PHRF1: variants seen among roughly 807,000 people sequenced by gnomAD.
PHRF1 encodes PHD and ring finger domains 1.
Under a neutral mutation model 128.9 loss-of-function variants are expected in PHRF1, and 53 were observed. The observed-to-expected ratio is 0.41, with a 90% CI of 0.33 to 0.52. The LOEUF is 0.52. PHRF1 is among the 20% of genes least tolerant of loss of function. PHRF1 has a pLI of 0.21. For synonymous variants in PHRF1, 1,178 were observed against 980.6 expected (o/e 1.20, Z -3.76); for missense variants, 2,503 against 2,284.5 (o/e 1.10, Z -1.95).
chr11:610,345 C>A lies in PHRF1; in HGVS notation c.4414C>A (p.Gln1472Lys). 1 of 1,562,074 alleles carries A rather than the reference C, an allele frequency of 6.4e-7. No homozygotes were observed. Among genetic ancestry groups the A allele is most frequent in the South Asian group, 1.2e-5 (1 of 84,580 alleles). The change falls in exon 15 of 18, where the codon CAG becomes AAG. Residue 1472 changes from glutamine (Q) to lysine (K), a missense_variant and splice_region_variant. By Grantham distance (53) the Gln-to-Lys change is moderately conservative (BLOSUM62 1). Coordinates refer to ENST00000264555, the MANE Select transcript of PHRF1 (RefSeq NM_001286581.2). ...EPGFPDTDPSQVYSPGLPPAP... is the reference protein window; with the variant it reads ...EPGFPDTDPSKVYSPGLPPAP... Reference sequence around the variant, plus strand: ...CGGGTTCCCAGACACAGACCCCTCTCAGGTGGGTGTCTGGGCTGGAGGGCT... The same window carrying A: ...CGGGTTCCCAGACACAGACCCCTCTAAGGTGGGTGTCTGGGCTGGAGGGCT...
chr11:606,347 C>G, intron 12 of PHRF1, 95 bp from the exon 13 acceptor site: 3 of 1,422,874 alleles, frequency 2.1e-6, no homozygotes, highest in Non-Finnish European at 2.8e-6. Context: ...CAGCCCCACT[C>G]TCCCTGGCTC....
chr11:607,440 G>T lies in PHRF1; in HGVS notation c.1984G>T (p.Val662Leu), dbSNP rs751683523. 2 of 1,612,826 alleles carry T rather than the reference G, an allele frequency of 1.2e-6. No individual in the cohort carries two copies. The highest frequency in any genetic ancestry group is 1.7e-6 in the Non-Finnish European group (2 of 1,179,878). The change falls in exon 14 of 18, where the codon GTG (valine) becomes TTG (leucine). Residue 662 changes from valine (V) to leucine (L), a missense_variant. Transcript: ENST00000264555. ...RDSKPPCRSV[V>L]PGPPLKPAPR... is the part of the protein sequence containing the mutation. ...TTCTAAGCCCCCATGTCGCAGTGTG[G>T]TGCCGGGGCCTCCCCTGAAGCCAGC...
At position 596,903 on chromosome 11, in the gene PHRF1, G is replaced by C; in HGVS notation, c.621-20G>C. 2 of 1,608,970 alleles carry C rather than the reference G, an allele frequency of 1.2e-6. No individual in the cohort carries two copies. Among genetic ancestry groups the C allele is most frequent in the Non-Finnish European group, 1.7e-6 (2 of 1,175,432 alleles). On this transcript the variant is annotated intron_variant, in intron 6 of 17. Transcript: ENST00000264555. ...GCTGTGAGCAGCACCCGGATGCTTTGGCCCTGCTCTCTCCTGTAGGTACCA... is the reference window on the plus strand; with the variant it reads ...GCTGTGAGCAGCACCCGGATGCTTTCGCCCTGCTCTCTCCTGTAGGTACCA...
chr11:579,426 T>G (rs982564333), intron 1 of PHRF1, among the ~76,000 whole-genome samples: 7 of 152,282 alleles, frequency 4.6e-5, no homozygotes, highest in Non-Finnish European at 4.4e-5. Context: ...GCAGGCGTCC[T>G]GGAAGATGTG....
intron 4 of PHRF1, among the ~76,000 whole-genome samples, chr11:589,968 AGTCTGC>A (rs1854856143): frequency 4.6e-5 from 5 of 108,430 alleles, no homozygotes; most frequent in African/African-American, 2.3e-4. Context: ...TCAGCCTGAG[AGTCTGC>A]AAACGGGCAC....
At chr11:579,573 G>A (rs1854092148) in intron 1 of PHRF1, among the ~76,000 whole-genome samples, 1 of 152,198 alleles carries the variant, frequency 6.6e-6, no homozygotes, top group Admixed American at 6.5e-5. Flanking sequence ...GCCCTCGTGT[G>A]TCTCTCAGAG....
At chr11:588,077 C>T (rs192340626) in intron 4 of PHRF1, among the ~76,000 whole-genome samples, 9 of 152,266 alleles carry the variant, frequency 5.9e-5, no homozygotes, top group East Asian at 1.9e-4. Context: ...GGCTCAGCTC[C>T]GACACCACTA....
rs1194377221 is a variant in PHRF1 at position 609,120 on chromosome 11, G to T, written c.3664G>T (p.Ala1222Ser). 1.2e-6 allele frequency: 2 copies of T among 1,606,054 alleles called. No individual in the cohort carries two copies. Among genetic ancestry groups the T allele is most frequent in the South Asian group, 1.1e-5 (1 of 90,998 alleles). ...GGAAGACCTCCCCACCAGGTTGCCA[G>T]CCTTGGGGGAAGCACATGTCTCGCC... ...GREDLPTRLP[A>S]LGEAHVSPEV... is the part of the protein sequence containing the mutation. Residue 1222 changes from alanine to serine, a missense_variant, in exon 14 of 18, where the codon GCC (alanine) becomes TCC (serine). By Grantham distance (99) the Ala-to-Ser change is moderately conservative. Transcript: ENST00000264555.
chr11:588,100 C>T (rs901417319), intron 4 of PHRF1, among the ~76,000 whole-genome samples: 2 of 152,208 alleles, frequency 1.3e-5, no homozygotes, highest in Non-Finnish European at 2.9e-5. Flanking sequence ...TCTTGACTCC[C>T]TCCCCTCCCT....
rs1589856059 is a variant in PHRF1, at chr11:581,374, G to A, written c.-21-118G>A. The A allele has an allele frequency of 6.8e-5, 53 of 776,274 alleles. 1 individual carries two copies. In the South Asian group the frequency reaches 8.9e-4, roughly 13 times the overall value. The allele number at this position is 776,274 out of a possible 1,614,324, so 48.1% of individuals were successfully genotyped here. On this transcript the variant is annotated intron_variant, in intron 1 of 17. Coordinates refer to ENST00000264555, the MANE Select transcript of PHRF1 (RefSeq NM_001286581.2). ...TGATATCTCAGGGCTCACTCTTCACGTGCTGTGGCGGTGGATGTGACACGG... is the reference window on the plus strand; with the variant it reads ...TGATATCTCAGGGCTCACTCTTCACATGCTGTGGCGGTGGATGTGACACGG...
chr11:591,319 AAG>A, intron 4 of PHRF1, 63 bp from the exon 5 acceptor site: 1 of 1,412,012 alleles, frequency 7.1e-7, no homozygotes, highest in Non-Finnish European at 9.8e-7. Context: ...TTCAGTGTAA[AAG>A]AATTTTTGAT....
chr11:593,830 C>A (rs921692238), intron 6 of PHRF1, among the ~76,000 whole-genome samples: 2 of 152,214 alleles, frequency 1.3e-5, no homozygotes, highest in Admixed American at 1.3e-4. Context: ...TGCTCACATT[C>A]GCAGACACCT....
rs377634592 is a variant in PHRF1 at position 610,578 on chromosome 11, G to T, written c.4494G>T (p.Thr1498=). 5.0e-6 allele frequency: 8 copies of T among 1,606,386 alleles called. No individual in the cohort carries two copies. The highest frequency in any genetic ancestry group is 1.6e-4 in the Middle Eastern group (1 of 6,062). Residue 1498 remains threonine (T), a synonymous_variant, in exon 16 of 18, where the codon ACG becomes ACT. Transcript: ENST00000264555. The part of the protein sequence containing the change: ...IPPCALVSQP[T]VQFILQGSLP... ...CCTGCGCACTGGTCAGCCAGCCCAC[G>T]GTCCAGTTCATCCTTCAGGGGAGCC...
chr11:581,773 C>A (rs578050632), intron 2 of PHRF1, among the ~76,000 whole-genome samples, 167 bp downstream of exon 2: 2 of 152,368 alleles, frequency 1.3e-5, no homozygotes, highest in East Asian at 3.9e-4. Context: ...ATTTTTAATG[C>A]AAACAACACA....
chr11:594,466 C>A (rs1404003406), intron 6 of PHRF1, among the ~76,000 whole-genome samples: 1 of 152,190 alleles, frequency 6.6e-6, no homozygotes, highest in African/African-American at 2.4e-5. Flanking sequence ...GTCATCCAGG[C>A]TGGAGTGCAG....
chr11:583,646 T>G (rs767844545), intron 3 of PHRF1, among the ~76,000 whole-genome samples: 1 of 152,220 alleles, frequency 6.6e-6, no homozygotes, highest in African/African-American at 2.4e-5. Context: ...TGGTCTCAGC[T>G]ACGCAGGAGG....
At chr11:583,591 T>C (rs1437553167) in intron 3 of PHRF1, among the ~76,000 whole-genome samples, 5 of 152,092 alleles carry the variant, frequency 3.3e-5, no homozygotes, top group Admixed American at 3.3e-4. Context: ...GAGAGAACAA[T>C]GTTCCAAAGG....
At position 608,056 on chromosome 11, in the gene PHRF1, G is replaced by A; in HGVS notation, c.2600G>A (p.Ser867Asn). The A allele has an allele frequency of 6.2e-7, 1 of 1,611,442 alleles. No individual in the cohort carries two copies. Among genetic ancestry groups the A allele is most frequent in the Non-Finnish European group, 8.5e-7 (1 of 1,179,854 alleles). ...ATCACACGAACCATCTCCATCAACA[G>A]CCCGAAGGCCCAGACGGTGCAGGCT... is the stretch of plus-strand genomic sequence containing the variant. ...SEITRTISIN[S>N]PKAQTVQAVR... Residue 867 changes from serine (S) to asparagine (N), a missense_variant, in exon 14 of 18, where the codon AGC (serine) becomes AAC (asparagine). By Grantham distance (46) the Ser-to-Asn change is conservative. Coordinates refer to ENST00000264555, the MANE Select transcript of PHRF1 (RefSeq NM_001286581.2).
chr11:607,706 C>G lies in PHRF1; in HGVS notation c.2250C>G (p.Pro750=), dbSNP rs745965392. 3 of 1,610,510 alleles carry G rather than the reference C, an allele frequency of 1.9e-6. No individual in the cohort carries two copies. The African/African-American group carries it at 4.0e-5, about 22-fold the overall frequency. The part of the protein sequence containing the change: ...EPGVHTGSSR[P]PAPSSHGSLA... The stretch of plus-strand genomic sequence containing the variant: ...GGGTGCACACGGGCAGCTCCCGGCC[C>G]CCAGCCCCCAGCTCCCATGGCAGTT... Residue 750 remains proline (P), a synonymous_variant, in exon 14 of 18, where the codon CCC becomes CCG. Transcript: ENST00000264555.
Sources: allele counts gnomAD v4.1 joint callset (sites outside exome capture counted in the v4.1 genomes callset), GRCh38; gene constraint gnomAD v4.1.1; transcripts MANE v1.5; gene names NCBI Gene and HGNC (gene_info 2026-07-23, HGNC 2026-07-21).